PAK6: variants seen among roughly 807,000 people sequenced by gnomAD.
PAK6 encodes serine/threonine-protein kinase PAK 6.
PAK6 carries 33 observed loss-of-function variants against 60.8 expected under a neutral mutation model. That is an observed-to-expected ratio of 0.54 (90% CI 0.41 to 0.73). The LOEUF is 0.73. Ranked by LOEUF, PAK6 falls within the 30% of genes least tolerant of loss-of-function variation. The pLI is 0.00. For missense variants in PAK6, 845 were observed against 904.1 expected (o/e 0.93, Z 0.84); for synonymous variants, 404 against 378.5 (o/e 1.07, Z -0.78).
At chr15:40,254,894 GCCT>G (rs1412709732) in intron 3 of PAK6, among the ~76,000 whole-genome samples, 2 of 152,118 alleles carry the variant, frequency 1.3e-5, no homozygotes, top group Non-Finnish European at 2.9e-5. Flanking sequence ...TTCTTTTCTT[GCCT>G]CCTCCTTCTC....
At chr15:40,243,331 T>C (rs1033760653) in intron 2 of PAK6, among the ~76,000 whole-genome samples, 94 of 152,280 alleles carry the variant, frequency 6.2e-4, no homozygotes, top group African/African-American at 2.2e-3. Context: ...GTCAGCAGCA[T>C]GAGCCTCAGG....
intron 2 of PAK6, chr15:40,252,498 C>T (rs373664252): frequency 2.2e-6 from 3 of 1,363,548 alleles, no homozygotes; most frequent in Non-Finnish European, 2.9e-6. Flanking sequence ...CAACTTCTCC[C>T]GCGCTCTGGG....
intron 2 of PAK6, chr15:40,251,155 A>AGGC (rs1334093670): frequency 6.6e-6 from 1 of 152,570 alleles, no homozygotes; most frequent in Admixed American, 6.5e-5. Flanking sequence ...GAGGAGGAGG[A>AGGC]GGCGACAGAG....
At chr15:40,253,270 G>C (rs568475219) in exon 3 of PAK6, 1 of 455,934 alleles carries the variant, frequency 2.2e-6, no homozygotes, top group African/African-American at 2.0e-5. Context: ...TCGCGAGGAA[G>C]AGGCGGAAGG....
At chr15:40,264,340 G>T in intron 3 of PAK6, 1 of 405,180 alleles carries the variant, frequency 2.5e-6, no homozygotes, top group South Asian at 1.8e-5. Flanking sequence ...TCCTTTTCTT[G>T]CACTCTCCTT....
intron 2 of PAK6, among the ~76,000 whole-genome samples, chr15:40,241,902 C>T (rs1239516563): frequency 2.0e-5 from 3 of 152,204 alleles, no homozygotes; most frequent in African/African-American, 4.8e-5. Context: ...CCAGTGAATT[C>T]CCACACCTGG....
exon 6 of PAK6, chr15:40,272,493 C>T: frequency 6.2e-7 from 1 of 1,613,804 alleles, no homozygotes; most frequent in Middle Eastern, 1.6e-4. Flanking sequence ...CCAAGGGTGC[C>T]CTGGCTGGTG....
In PAK6 at chr15:40,265,898, C is replaced by T. The variant is rs138470960; in HGVS notation, c.261C>T (p.Asn87=). Residue 87 remains asparagine, a synonymous_variant, in exon 5 of 11, where the codon AAC becomes AAT. Coordinates refer to ENST00000560346, the Ensembl canonical transcript of PAK6. ...ATGGCTACATCTCGGGGCTGCTCAA[C>T]GACATCCAGAAGTTGTCAGTCATCA... The T allele has an allele frequency of 1.1e-3, 1,746 of 1,582,312 alleles. 2 individuals carry two copies. The highest frequency in any genetic ancestry group is 1.3e-3 in the Non-Finnish European group (1,520 of 1,160,822).
At chr15:40,240,954 G>A (rs899564495) in intron 2 of PAK6, among the ~76,000 whole-genome samples, 7 of 152,156 alleles carry the variant, frequency 4.6e-5, no homozygotes, top group Admixed American at 1.3e-4. Context: ...CAGTGCCACC[G>A]GGACACCCCT....
At chr15:40,264,566 C>T (rs768687137) in intron 3 of PAK6, 48 of 633,746 alleles carry the variant, frequency 7.6e-5, no homozygotes, top group Admixed American at 1.3e-4. Flanking sequence ...ATAGTCTGCA[C>T]TGGCTTATTT....
intron 2 of PAK6, chr15:40,252,602 C>G: frequency 7.4e-7 from 1 of 1,352,016 alleles, no homozygotes. Flanking sequence ...GCGGCCCCTC[C>G]TCGGCGTTCC....
chr15:40,273,935 G>C (rs1199156037), intron 9 of PAK6: 13 of 679,470 alleles, frequency 1.9e-5, no homozygotes, highest in Non-Finnish European at 3.2e-5. Flanking sequence ...GCCTTTCTCT[G>C]AGTGACTGAC....
intron 4 of PAK6, among the ~76,000 whole-genome samples, chr15:40,265,235 C>T (rs1039106269): frequency 6.6e-6 from 1 of 152,224 alleles, no homozygotes; most frequent in African/African-American, 2.4e-5. Flanking sequence ...ATGTGAGATG[C>T]TCAATTGCAT....
intron 5 of PAK6, among the ~76,000 whole-genome samples, chr15:40,267,316 G>A (rs56874918): frequency 0.039 from 5,882 of 152,186 alleles, 343 homozygotes; most frequent in African/African-American, 0.13. Context: ...GGGATGACCC[G>A]GACTACAACC....
At chr15:40,273,912 C>T (rs889209062) in intron 9 of PAK6, 4 of 668,152 alleles carry the variant, frequency 6.0e-6, no homozygotes, top group African/African-American at 5.4e-5. Flanking sequence ...GGCCGGGCCT[C>T]CTATGTATGA....
chr15:40,249,701 C>T (rs1378550494), intron 2 of PAK6, among the ~76,000 whole-genome samples: 1 of 152,246 alleles, frequency 6.6e-6, no homozygotes, highest in Non-Finnish European at 1.5e-5. Context: ...AAGCTGATCC[C>T]TATCTTTCCT....
chr15:40,248,476 T>G (rs1194178883), intron 2 of PAK6, among the ~76,000 whole-genome samples: 1 of 152,176 alleles, frequency 6.6e-6, no homozygotes, highest in Non-Finnish European at 1.5e-5. Context: ...CCAGCACACG[T>G]GCCCCCACCT....
At chr15:40,266,153 G>T in exon 5 of PAK6, 1 of 1,609,156 alleles carries the variant, frequency 6.2e-7, no homozygotes, top group Non-Finnish European at 8.5e-7. Context: ...TGCCCAATGG[G>T]CTGGCTGCAA....
chr15:40,249,776 C>A (rs537024195), intron 2 of PAK6, among the ~76,000 whole-genome samples: 1 of 152,260 alleles, frequency 6.6e-6, no homozygotes, highest in African/African-American at 2.4e-5. Context: ...CAGGCCCCGA[C>A]AGCCACAGGC....
Sources: gnomAD v4.1 joint callset for allele counts (sites outside exome capture counted in the v4.1 genomes callset) on GRCh38, gnomAD v4.1.1 for gene constraint, MANE v1.5 for transcripts, NCBI Gene and HGNC (gene_info 2026-07-23, HGNC 2026-07-21) for gene names.